The following RARB variants were observed in gnomAD, a reference collection of about 807,000 sequenced individuals.
RARB encodes the protein HBV-activated protein.
Under a neutral mutation model 51.9 loss-of-function variants are expected in RARB, and 17 were observed. The ratio of observed to expected loss-of-function variants is 0.33; its 90% CI spans 0.22 to 0.49. The LOEUF is 0.49. RARB is among the 20% of genes least tolerant of loss of function. The pLI is 0.99. For synonymous variants in RARB, 215 were observed against 195.4 expected, an observed-to-expected ratio of 1.10 and a Z score of -0.84; for missense variants, 369 against 550.8, an observed-to-expected ratio of 0.67 and a Z score of 3.30.
At chr3:25,120,446 A>C (rs1288085143) in intron 3 of RARB, among the ~76,000 whole-genome samples, 1 of 152,116 alleles carries the variant, frequency 6.6e-6, no homozygotes, top group East Asian at 1.9e-4. Flanking sequence ...ATCTCTAGTT[A>C]TAAACTTTAA....
At chr3:25,429,081 C>G (rs531741017) in intron 1 of RARB, among the ~76,000 whole-genome samples, 193 bp downstream of exon 1, 1 of 152,102 alleles carries the variant, frequency 6.6e-6, no homozygotes, top group African/African-American at 2.4e-5. Context: ...GTTTTCTTCC[C>G]AAATAACCCC....
intron 2 of RARB, among the ~76,000 whole-genome samples, chr3:24,956,558 T>G (rs1437653282): frequency 6.6e-6 from 1 of 152,198 alleles, no homozygotes; most frequent in Non-Finnish European, 1.5e-5. Flanking sequence ...TCAAGCTGTG[T>G]GTCTCTTGTT....
At chr3:24,980,803 C>T (rs901790594) in intron 2 of RARB, among the ~76,000 whole-genome samples, 1 of 152,120 alleles carries the variant, frequency 6.6e-6, no homozygotes, top group African/African-American at 2.4e-5. Context: ...GTTTTGTTCC[C>T]TTGCTGGAGA....
intron 2 of RARB, among the ~76,000 whole-genome samples, chr3:24,859,052 A>G (rs34115056): frequency 1.8e-3 from 165 of 92,190 alleles, no homozygotes; most frequent in Non-Finnish European, 3.2e-3. Context: ...AAAAAAAAAA[A>G]AAAAAGAAAA....
chr3:25,561,602 G>C (rs1172786838), intron 3 of RARB, among the ~76,000 whole-genome samples: 3 of 152,052 alleles, frequency 2.0e-5, no homozygotes, highest in Middle Eastern at 6.8e-3. Context: ...CAACTGGGCT[G>C]TCCTCTTTAT....
chr3:25,453,557 T>C (rs1317563770), intron 1 of RARB, among the ~76,000 whole-genome samples: 2 of 152,152 alleles, frequency 1.3e-5, no homozygotes. Flanking sequence ...TTCTGCATTT[T>C]AACAAGTTTC....
At chr3:24,921,196 T>C (rs1695209981) in intron 2 of RARB, among the ~76,000 whole-genome samples, 1 of 152,174 alleles carries the variant, frequency 6.6e-6, no homozygotes, top group Non-Finnish European at 1.5e-5. Flanking sequence ...GTTTCTGACT[T>C]CTTCTTTAAA....
intron 2 of RARB, among the ~76,000 whole-genome samples, chr3:25,467,191 C>T (rs530939852): frequency 5.2e-5 from 8 of 152,382 alleles, no homozygotes; most frequent in Admixed American, 2.0e-4. Flanking sequence ...AAATACCTGA[C>T]GTCACACCTT....
intron 1 of RARB, among the ~76,000 whole-genome samples, chr3:24,843,493 G>T (rs1702444403): frequency 6.6e-6 from 1 of 152,074 alleles, no homozygotes; most frequent in South Asian, 2.1e-4. Flanking sequence ...CATAGACAAA[G>T]TACCTGGCAC....
chr3:24,869,119 C>G (rs561891214), intron 2 of RARB, among the ~76,000 whole-genome samples: 36 of 152,212 alleles, frequency 2.4e-4, no homozygotes, highest in African/African-American at 7.9e-4. Flanking sequence ...CAGAATAATT[C>G]TCAATAAGGT....
chr3:25,483,258 G>T (rs1255465276), intron 2 of RARB, among the ~76,000 whole-genome samples: 1 of 152,156 alleles, frequency 6.6e-6, no homozygotes, highest in Non-Finnish European at 1.5e-5. Flanking sequence ...GGGAAAACTT[G>T]GGGAAATTTT....
intron 1 of RARB, among the ~76,000 whole-genome samples, chr3:24,843,634 C>A (rs749843325): frequency 6.6e-6 from 1 of 152,128 alleles, no homozygotes; most frequent in Non-Finnish European, 1.5e-5. Context: ...ATTAGACGAG[C>A]CTTTTACTAC....
At chr3:24,881,882 T>A (rs1198704863) in intron 2 of RARB, among the ~76,000 whole-genome samples, 3 of 152,178 alleles carry the variant, frequency 2.0e-5, no homozygotes, top group African/African-American at 4.8e-5. Context: ...GCAGAGTTTT[T>A]GAATGAATTA....
intron 2 of RARB, among the ~76,000 whole-genome samples, chr3:24,954,082 G>C (rs1208567072): frequency 6.6e-6 from 1 of 151,720 alleles, no homozygotes; most frequent in East Asian, 1.9e-4. Flanking sequence ...TTTCCCATAT[G>C]TGTCTGACTT....
chr3:24,879,686 T>C (rs1285479379), intron 2 of RARB, among the ~76,000 whole-genome samples: 1 of 151,966 alleles, frequency 6.6e-6, no homozygotes, highest in Non-Finnish European at 1.5e-5. Flanking sequence ...CACTTTACAT[T>C]CTTGACTTGA....
At chr3:24,839,717 AAAGG>A (rs1311418065) in intron 1 of RARB, among the ~76,000 whole-genome samples, 57 of 21,882 alleles carry the variant, frequency 2.6e-3, no homozygotes, top group South Asian at 0.022. Context: ...AAAAAAAAAA[AAAGG>A]GGGGGGGGGT....
At chr3:25,114,619 C>A (rs1699655987) in intron 3 of RARB, among the ~76,000 whole-genome samples, 1 of 152,184 alleles carries the variant, frequency 6.6e-6, no homozygotes, top group Admixed American at 6.5e-5. Flanking sequence ...TTATTGGCAG[C>A]AACCATGACA....
At chr3:25,044,203 T>G (rs1466728308) in intron 2 of RARB, among the ~76,000 whole-genome samples, 1 of 152,224 alleles carries the variant, frequency 6.6e-6, no homozygotes, top group Non-Finnish European at 1.5e-5. Flanking sequence ...CCTCACATTT[T>G]CCTTTCTCAC....
chr3:25,401,703 G>A (rs1188152385), intron 5 of RARB, among the ~76,000 whole-genome samples: 1 of 152,196 alleles, frequency 6.6e-6, no homozygotes. Flanking sequence ...TCAGGAGAAA[G>A]TATTCAGACG....
Sources: gnomAD v4.1 joint callset for allele counts (sites outside exome capture counted in the v4.1 genomes callset) on GRCh38, gnomAD v4.1.1 for gene constraint, MANE v1.5 for transcripts, NCBI Gene and HGNC (gene_info 2026-07-23, HGNC 2026-07-21) for gene names.